ARHGEF28: variants seen among roughly 807,000 people sequenced by gnomAD.
The protein encoded by ARHGEF28 is Rho guanine nucleotide exchange factor 28.
In ARHGEF28, 152 loss-of-function variants were observed where a neutral mutation model predicts 206.6. That is an observed-to-expected ratio of 0.74 (90% CI 0.64 to 0.84). ARHGEF28 has a LOEUF of 0.84. Ranked by LOEUF, ARHGEF28 falls within the 40% of genes least tolerant of loss-of-function variation. The probability of loss-of-function intolerance (pLI) is 0.00; values close to 1 mark genes in which losing one functional copy is unlikely to be tolerated. For missense variants in ARHGEF28, 2,028 were observed against 2,073.2 expected, an observed-to-expected ratio of 0.98 and a Z score of 0.42; for synonymous variants, 763 against 776.4, an observed-to-expected ratio of 0.98 and a Z score of 0.29.
intron 1 of ARHGEF28, among the ~76,000 whole-genome samples, chr5:73,673,975 C>T (rs904074468): frequency 1.3e-5 from 2 of 149,282 alleles, no homozygotes; most frequent in African/African-American, 5.0e-5. Context: ...AGTTCAAGAC[C>T]AGCCTGGGCA....
At chr5:73,934,638 A>G (rs542147317) in intron 35 of ARHGEF28, among the ~76,000 whole-genome samples, 3 of 152,308 alleles carry the variant, frequency 2.0e-5, no homozygotes, top group Non-Finnish European at 2.9e-5. Context: ...TGAATGAACT[A>G]TTCTCCAGCT....
intron 29 of ARHGEF28, among the ~76,000 whole-genome samples, chr5:73,896,444 A>G (rs1761964885): frequency 6.6e-6 from 1 of 152,088 alleles, no homozygotes; most frequent in Non-Finnish European, 1.5e-5. Flanking sequence ...TATTCCAAAT[A>G]TGATGGAAAG....
chr5:73,793,630 T>G (rs953599049), intron 7 of ARHGEF28, among the ~76,000 whole-genome samples: 1 of 152,074 alleles, frequency 6.6e-6, no homozygotes, highest in Non-Finnish European at 1.5e-5. Flanking sequence ...GTAGAGACTT[T>G]CAGTCATATG....
chr5:73,657,537 C>G (rs2112180526), intron 1 of ARHGEF28, among the ~76,000 whole-genome samples: 1 of 152,260 alleles, frequency 6.6e-6, no homozygotes, highest in East Asian at 1.9e-4. Context: ...TTTGTACTGT[C>G]TTTTTCATGA....
chr5:73,786,380 C>T (rs1280375399), intron 7 of ARHGEF28: 2 of 152,220 alleles, frequency 1.3e-5, no homozygotes, highest in East Asian at 3.8e-4. Flanking sequence ...CCTTACCGAC[C>T]ACACTATAGA....
At chr5:73,853,489 G>A (rs569210005) in intron 14 of ARHGEF28, among the ~76,000 whole-genome samples, 81 of 152,190 alleles carry the variant, frequency 5.3e-4, no homozygotes, top group African/African-American at 1.2e-3. Flanking sequence ...GGGGTGTTTC[G>A]TTTTAAATCC....
chr5:73,708,497 C>T (rs1749068375), intron 2 of ARHGEF28, among the ~76,000 whole-genome samples: 1 of 152,052 alleles, frequency 6.6e-6, no homozygotes, highest in South Asian at 2.1e-4. Context: ...GGATAATGAC[C>T]CCCAGCTGCA....
At chr5:73,930,767 C>T (rs925545023) in intron 35 of ARHGEF28, among the ~76,000 whole-genome samples, 1 of 152,202 alleles carries the variant, frequency 6.6e-6, no homozygotes, top group Non-Finnish European at 1.5e-5. Context: ...CCTCTCTCAA[C>T]TTATCAGTGT....
chr5:73,882,105 G>A (rs1760992475), intron 22 of ARHGEF28, among the ~76,000 whole-genome samples: 1 of 151,984 alleles, frequency 6.6e-6, no homozygotes, highest in East Asian at 1.9e-4. Flanking sequence ...AGACCTTCCT[G>A]AAGGCCCCTA....
intron 13 of ARHGEF28, among the ~76,000 whole-genome samples, chr5:73,849,327 C>A (rs1024976420): frequency 1.3e-5 from 2 of 151,970 alleles, no homozygotes; most frequent in African/African-American, 4.8e-5. Context: ...TTACTTTATT[C>A]TTTGAATAAA....
intron 4 of ARHGEF28, among the ~76,000 whole-genome samples, chr5:73,758,918 G>A (rs150190679): frequency 5.9e-5 from 9 of 152,284 alleles, no homozygotes; most frequent in East Asian, 1.9e-4. Flanking sequence ...AGATTGCTTC[G>A]TCAGGTTTAA....
intron 1 of ARHGEF28, among the ~76,000 whole-genome samples, chr5:73,670,593 TTTA>T (rs1408909240): frequency 6.6e-6 from 1 of 152,236 alleles, no homozygotes; most frequent in Non-Finnish European, 1.5e-5. Flanking sequence ...CCAGAGTGGC[TTTA>T]TTGTTTTGCA....
chr5:73,899,717 C>T (rs1045086876), intron 30 of ARHGEF28: 4 of 152,246 alleles, frequency 2.6e-5, no homozygotes, highest in African/African-American at 9.6e-5. Context: ...CTTCATCAGG[C>T]TTATGTCAGC....
intron 2 of ARHGEF28, among the ~76,000 whole-genome samples, chr5:73,711,380 A>G (rs1749235579): frequency 6.6e-6 from 1 of 152,166 alleles, no homozygotes; most frequent in African/African-American, 2.4e-5. Context: ...TGAGATTTTG[A>G]TTACAATTGT....
intron 35 of ARHGEF28, among the ~76,000 whole-genome samples, chr5:73,926,810 T>C (rs1763839411): frequency 6.6e-6 from 1 of 152,230 alleles, no homozygotes; most frequent in Non-Finnish European, 1.5e-5. Flanking sequence ...TCTGCTTTTA[T>C]TCTACTTGTC....
chr5:73,931,595 A>G (rs1359409893), intron 35 of ARHGEF28, among the ~76,000 whole-genome samples: 2 of 151,816 alleles, frequency 1.3e-5, no homozygotes, highest in Non-Finnish European at 2.9e-5. Flanking sequence ...CTACTATTCC[A>G]TTGATTGTTT....
intron 16 of ARHGEF28, among the ~76,000 whole-genome samples, chr5:73,862,072 A>G (rs1032772029): frequency 1.3e-5 from 2 of 152,204 alleles, no homozygotes; most frequent in Non-Finnish European, 2.9e-5. Context: ...GTAAGTATTC[A>G]AAATTCTTGG....
chr5:73,740,656 A>G (rs2112373458), intron 2 of ARHGEF28, among the ~76,000 whole-genome samples: 1 of 152,248 alleles, frequency 6.6e-6, no homozygotes, highest in Non-Finnish European at 1.5e-5. Flanking sequence ...AAACAGTCCC[A>G]GTTCCTTCAA....
At chr5:73,711,645 C>T (rs1269233653) in intron 2 of ARHGEF28, among the ~76,000 whole-genome samples, 2 of 152,022 alleles carry the variant, frequency 1.3e-5, no homozygotes, top group South Asian at 2.1e-4. Flanking sequence ...TATGGGAATA[C>T]GGTTAACTTT....
Sources: allele counts gnomAD v4.1 joint callset (sites outside exome capture counted in the v4.1 genomes callset), GRCh38; gene constraint gnomAD v4.1.1; transcripts MANE v1.5; gene names NCBI Gene and HGNC (gene_info 2026-07-23, HGNC 2026-07-21).